Variants in KIF25 observed in about 807,000 individuals in gnomAD.
KIF25 encodes kinesin family member 25, also known as kinesin-like protein KIF25.
Under a neutral mutation model 32.9 loss-of-function variants are expected in KIF25, and 19 were observed. The ratio of observed to expected loss-of-function variants is 0.58; its 90% CI spans 0.40 to 0.85. The LOEUF is 0.85. Among genes scored for constraint, KIF25 ranks in the 40% least tolerant of loss-of-function variants. KIF25 has a pLI of 0.00. For synonymous variants in KIF25, 225 were observed against 213.7 expected, an observed-to-expected ratio of 1.05 and a Z score of -0.46; for missense variants, 485 against 507.0, an observed-to-expected ratio of 0.96 and a Z score of 0.42.
intron 7 of KIF25, among the ~76,000 whole-genome samples, chr6:168,031,073 C>G (rs919226076): frequency 1.3e-5 from 2 of 152,192 alleles, no homozygotes; most frequent in African/African-American, 4.8e-5. Context: ...GTTAAATGAG[C>G]ATATCCACCT....
intron 4 of KIF25, among the ~76,000 whole-genome samples, chr6:168,013,116 T>TG: frequency 6.6e-6 from 1 of 151,956 alleles, no homozygotes; most frequent in African/African-American, 2.4e-5. Context: ...TGTAGGGTGT[T>TG]GGGGTACTGT....
intron 10 of KIF25, among the ~76,000 whole-genome samples, chr6:168,041,136 G>A (rs1799112762): frequency 6.6e-6 from 1 of 152,234 alleles, no homozygotes; most frequent in Non-Finnish European, 1.5e-5. Context: ...TGGTCTCAGT[G>A]GGTTGACACT....
At position 168,019,849 on chromosome 6, in the gene KIF25, C is replaced by T. The variant is rs190719518; in HGVS notation, c.-95+1809C>T. On this transcript the variant is annotated intron_variant, in intron 5 of 12. Transcript: ENST00000643607. The stretch of plus-strand genomic sequence containing the variant: ...TCAGAGAACATTTGAAGAAGTCGGC[C>T]GGAGGTGGGGCGCGGTGGCTCACGC... Among the ~76,000 whole-genome samples the T allele has an allele frequency of 4.6e-5, 7 of 152,118 alleles. No homozygotes were observed. In the East Asian group the frequency reaches 1.2e-3, roughly 25 times the overall value.
At chr6:168,010,516 A>C (rs2114873263) in intron 4 of KIF25, among the ~76,000 whole-genome samples, 2 of 152,214 alleles carry the variant, frequency 1.3e-5, no homozygotes, top group South Asian at 4.1e-4. Context: ...ATTGAAAAAA[A>C]TTGTTGAGGC....
In KIF25 at chr6:167,998,834, C is replaced by T. The variant is rs1471030760; in HGVS notation, c.-635C>T. 6.6e-6 allele frequency: 1 copy of T among 152,164 alleles called. No homozygotes were observed. The allele number at this position is 152,164 out of a possible 1,614,324, so 9.4% of individuals were successfully genotyped here. A position where few individuals can be genotyped will look rare whatever the true frequency, so the allele number is the denominator to read the frequency against. ...TGGGAGGCCGAGGCGGGCGCATTAC[C>T]TGAGGTCAGGAGTTCGAGACCAGCT... On this transcript the variant is annotated 5_prime_UTR_variant, in exon 1 of 13. Coordinates refer to ENST00000643607, the MANE Select transcript of KIF25 (RefSeq NM_030615.4).
chr6:168,005,677 G>A (rs531512592), intron 4 of KIF25, among the ~76,000 whole-genome samples: 1 of 152,232 alleles, frequency 6.6e-6, no homozygotes, highest in Admixed American at 6.5e-5. Context: ...CTTGGAGTCC[G>A]ATGTTCGAGG....
intron 10 of KIF25, among the ~76,000 whole-genome samples, chr6:168,041,389 C>T (rs1309772673): frequency 6.6e-6 from 1 of 152,178 alleles, no homozygotes; most frequent in African/African-American, 2.4e-5. Context: ...CACCAACAAT[C>T]TCTACCAAAA....
At chr6:168,013,476 T>G (rs1583129107) in intron 4 of KIF25, among the ~76,000 whole-genome samples, 1 of 151,664 alleles carries the variant, frequency 6.6e-6, no homozygotes, top group Non-Finnish European at 1.5e-5. Flanking sequence ...CAGAGCAGGG[T>G]ATGCTCCAGA....
rs572056957 is a variant in KIF25, at chr6:168,030,662, T to C, written c.93-111T>C. On this transcript the variant is annotated intron_variant, in intron 6 of 12. Coordinates refer to ENST00000643607, the MANE Select transcript of KIF25 (RefSeq NM_030615.4). ...CTTTTGTTGAAGAATCCTGATGGCG[T>C]TGGGGGGATGGGAAGTACACGGGGC... The C allele has an allele frequency of 2.0e-4, 140 of 698,286 alleles. No homozygotes were observed. In the African/African-American group the frequency reaches 2.4e-3, roughly 12 times the overall value. The allele number at this position is 698,286 out of a possible 1,614,324, so 43.3% of individuals were successfully genotyped here. A position where few individuals can be genotyped will look rare whatever the true frequency, so the allele number is the denominator to read the frequency against.
At chr6:168,033,811 T>G (rs1286543577) in intron 7 of KIF25, 71 bp from the exon 8 acceptor site, 1 of 1,525,992 alleles carries the variant, frequency 6.6e-7, no homozygotes, top group African/African-American at 1.4e-5. Context: ...CTCATACAAG[T>G]GAAAATTTTT....
intron 4 of KIF25, among the ~76,000 whole-genome samples, chr6:168,012,127 A>T (rs1459809492): frequency 6.6e-6 from 1 of 152,072 alleles, no homozygotes; most frequent in African/African-American, 2.4e-5. Context: ...ATTTTCTTGT[A>T]TCTCACTGAG....
At position 167,997,766 on chromosome 6, in the gene KIF25, G is replaced by A. The variant is rs1798442031; in HGVS notation, c.-1703G>A. On this transcript the variant is annotated 5_prime_UTR_variant, in exon 1 of 13. Coordinates refer to ENST00000643607, the MANE Select transcript of KIF25 (RefSeq NM_030615.4). Reference sequence around the variant, plus strand: ...TGATTTTGCAACACGAGGATGCCAAGGTGGATGATTGAGTGGGTGACCCTC... The same window carrying A: ...TGATTTTGCAACACGAGGATGCCAAAGTGGATGATTGAGTGGGTGACCCTC... Among the ~76,000 whole-genome samples, 1 of 150,476 alleles carries A rather than the reference G, an allele frequency of 6.6e-6. No homozygotes were observed. The highest frequency in any genetic ancestry group is 2.1e-4 in the South Asian group (1 of 4,702).
chr6:168,038,297 G>A (rs1330269988), intron 8 of KIF25, among the ~76,000 whole-genome samples: 1 of 152,184 alleles, frequency 6.6e-6, no homozygotes, highest in African/African-American at 2.4e-5. Context: ...AGAATCCTCA[G>A]TGTACTGGTT....
At chr6:168,033,212 A>G (rs185739586) in intron 7 of KIF25, among the ~76,000 whole-genome samples, 1 of 152,300 alleles carries the variant, frequency 6.6e-6, no homozygotes, top group East Asian at 1.9e-4. Flanking sequence ...TTTCTTTTGT[A>G]TGAAACATAC....
At position 168,029,726 on chromosome 6, in the gene KIF25, G is replaced by A. The variant is rs751128166; in HGVS notation, c.92+49G>A. ...GCCAGGCCTGGGTCTGGAGCCGGGT[G>A]ATGTGCACATGGGGCTCACTTTTCT... On this transcript the variant is annotated intron_variant, in intron 6 of 12. Transcript: ENST00000643607. 5.7e-6 allele frequency: 9 copies of A among 1,577,870 alleles called. No homozygotes were observed. The African/African-American group carries it at 8.2e-5, about 14-fold the overall frequency.
chr6:168,007,123 T>G (rs1003683409), intron 4 of KIF25, among the ~76,000 whole-genome samples: 1 of 152,194 alleles, frequency 6.6e-6, no homozygotes, highest in African/African-American at 2.4e-5. Context: ...TGGTAATCAG[T>G]TTTACAACTG....
At chr6:168,015,735 C>T (rs1005747889) in intron 4 of KIF25, among the ~76,000 whole-genome samples, 11 of 152,104 alleles carry the variant, frequency 7.2e-5, no homozygotes, top group South Asian at 2.1e-4. Flanking sequence ...CAGGCAGGAA[C>T]GCATTGAAGC....
chr6:168,002,066 T>C (rs112853234), intron 2 of KIF25, among the ~76,000 whole-genome samples: 2 of 51,998 alleles, frequency 3.8e-5, no homozygotes, highest in Non-Finnish European at 8.0e-5. Context: ...CTCGGGCAGG[T>C]GAGAAGACAC....
At chr6:168,004,495 G>T (rs1217820349) in intron 4 of KIF25, among the ~76,000 whole-genome samples, 1 of 152,222 alleles carries the variant, frequency 6.6e-6, no homozygotes, top group African/African-American at 2.4e-5. Flanking sequence ...GAAAAGGGTT[G>T]TGATGTCCTT....
Sources: gnomAD v4.1 joint callset for allele counts (sites outside exome capture counted in the v4.1 genomes callset) on GRCh38, gnomAD v4.1.1 for gene constraint, MANE v1.5 for transcripts, NCBI Gene and HGNC (gene_info 2026-07-23, HGNC 2026-07-21) for gene names.